The following RIMS2 variants were observed in gnomAD, a reference collection of about 807,000 sequenced individuals.
RIMS2 encodes the protein regulating synaptic membrane exocytosis 2.
In RIMS2, 59 loss-of-function variants were observed where a neutral mutation model predicts 174.4. The ratio of observed to expected loss-of-function variants is 0.34; its 90% CI spans 0.27 to 0.42. The LOEUF is 0.42. Among genes scored for constraint, RIMS2 ranks in the 10% least tolerant of loss-of-function variants. The probability of loss-of-function intolerance (pLI) is 1.00; values close to 1 mark genes in which losing one functional copy is unlikely to be tolerated. For synonymous variants in RIMS2, 606 were observed against 572.5 expected (o/e 1.06, Z -0.84); for missense variants, 1,620 against 1,666.3 (o/e 0.97, Z 0.48).
intron 1 of RIMS2, among the ~76,000 whole-genome samples, chr8:103,601,212 T>G (rs2094720326): frequency 6.6e-6 from 1 of 152,230 alleles, no homozygotes; most frequent in Non-Finnish European, 1.5e-5. Context: ...CTTTTTAACA[T>G]GATGTGATCC....
chr8:103,722,842 CT>C (rs1195793939), intron 2 of RIMS2, among the ~76,000 whole-genome samples: 1 of 152,156 alleles, frequency 6.6e-6, no homozygotes, highest in Non-Finnish European at 1.5e-5. Flanking sequence ...TGGACCAGGT[CT>C]TTTTTGTATG....
intron 19 of RIMS2, among the ~76,000 whole-genome samples, chr8:104,158,305 C>T (rs1469269541): frequency 6.6e-6 from 1 of 152,086 alleles, no homozygotes; most frequent in East Asian, 1.9e-4. Flanking sequence ...TATTGATGGA[C>T]CTTTGGGTTG....
intron 3 of RIMS2, among the ~76,000 whole-genome samples, chr8:103,802,090 A>G (rs895647546): frequency 7.9e-5 from 12 of 152,160 alleles, no homozygotes; most frequent in African/African-American, 2.4e-4. Flanking sequence ...TTGTTAGCCA[A>G]TGGTGGTGGT....
At chr8:103,982,108 A>G (rs1351818613) in intron 16 of RIMS2, among the ~76,000 whole-genome samples, 1 of 152,194 alleles carries the variant, frequency 6.6e-6, no homozygotes, top group Non-Finnish European at 1.5e-5. Flanking sequence ...AAGGATAATT[A>G]GTGGCTGCTG....
intron 3 of RIMS2, among the ~76,000 whole-genome samples, chr8:103,785,551 T>G (rs1312957142): frequency 6.6e-6 from 1 of 152,220 alleles, no homozygotes; most frequent in Non-Finnish European, 1.5e-5. Flanking sequence ...TCTTTGGTTC[T>G]GTTTATATGC....
At chr8:104,021,236 G>A (rs142746722) in intron 19 of RIMS2, among the ~76,000 whole-genome samples, 25 of 151,914 alleles carry the variant, frequency 1.6e-4, no homozygotes, top group Non-Finnish European at 2.9e-4. Flanking sequence ...TTCTTACTGC[G>A]AAGTATTAAT....
chr8:103,751,693 G>A (rs1178187839), intron 2 of RIMS2, among the ~76,000 whole-genome samples: 1 of 151,268 alleles, frequency 6.6e-6, no homozygotes, highest in Non-Finnish European at 1.5e-5. Flanking sequence ...TTCTCTGATG[G>A]CCAGTGATGG....
intron 16 of RIMS2, chr8:103,977,533 G>C (rs887327951): frequency 6.6e-6 from 1 of 152,214 alleles, no homozygotes; most frequent in Admixed American, 6.5e-5. Context: ...GAACAGATTT[G>C]TGGGGATTTT....
intron 1 of RIMS2, among the ~76,000 whole-genome samples, chr8:103,508,292 T>C (rs1824658663): frequency 6.6e-6 from 1 of 151,982 alleles, no homozygotes; most frequent in African/African-American, 2.4e-5. Context: ...TGCACTACAG[T>C]GTATCATGGA....
At chr8:103,599,675 T>C (rs1290327948) in intron 1 of RIMS2, among the ~76,000 whole-genome samples, 1 of 151,918 alleles carries the variant, frequency 6.6e-6, no homozygotes, top group African/African-American at 2.4e-5. Flanking sequence ...GGTCTTGAAC[T>C]TCTAGGCTCA....
At chr8:103,759,268 TAAGA>T (rs978335757) in intron 2 of RIMS2, among the ~76,000 whole-genome samples, 2 of 152,094 alleles carry the variant, frequency 1.3e-5, no homozygotes, top group African/African-American at 2.4e-5. Flanking sequence ...GGATCATGAT[TAAGA>T]AAGGCCAAGA....
chr8:103,746,868 G>A (rs950870963), intron 2 of RIMS2, among the ~76,000 whole-genome samples: 3 of 151,888 alleles, frequency 2.0e-5, no homozygotes, highest in African/African-American at 7.3e-5. Context: ...TTTTAGTAGA[G>A]ACAGGGTTTC....
At chr8:103,834,742 T>TTCTTTCTTTCTTTCTCTCTCTC (rs1406395709) in intron 3 of RIMS2, among the ~76,000 whole-genome samples, 4 of 109,524 alleles carry the variant, frequency 3.7e-5, no homozygotes, top group African/African-American at 1.7e-4. Flanking sequence ...CTTTCTTTCT[T>TTCTTTCTTTCTTTCTCTCTCTC]TCTCTCTCTT....
intron 3 of RIMS2, among the ~76,000 whole-genome samples, chr8:103,839,373 C>A (rs1157125520): frequency 6.6e-6 from 1 of 152,090 alleles, no homozygotes; most frequent in African/African-American, 2.4e-5. Flanking sequence ...TTGATTATGT[C>A]AGGCAGCTAA....
At chr8:103,602,090 A>G (rs1228729515) in intron 1 of RIMS2, among the ~76,000 whole-genome samples, 2 of 152,010 alleles carry the variant, frequency 1.3e-5, no homozygotes, top group African/African-American at 2.4e-5. Context: ...GGTTCAAGCA[A>G]TTCTCCTGCC....
chr8:103,781,810 T>C (rs946302596), intron 3 of RIMS2, among the ~76,000 whole-genome samples: 7 of 148,548 alleles, frequency 4.7e-5, no homozygotes, highest in Non-Finnish European at 8.9e-5. Context: ...TGCAATGTTG[T>C]GATCTCAGCT....
chr8:104,165,131 T>G (rs6468907), intron 19 of RIMS2, among the ~76,000 whole-genome samples: 65,950 of 152,022 alleles, frequency 0.43, 14,808 homozygotes, highest in East Asian at 0.63. Context: ...TGCACAATTT[T>G]AAAGCAATAC....
intron 2 of RIMS2, among the ~76,000 whole-genome samples, chr8:103,733,162 C>G (rs2097630759): frequency 6.6e-6 from 1 of 152,024 alleles, no homozygotes; most frequent in Non-Finnish European, 1.5e-5. Context: ...CCTGCCAGGA[C>G]TGGGTTCTCT....
intron 1 of RIMS2, among the ~76,000 whole-genome samples, chr8:103,685,786 T>TA (rs986568500): frequency 6.6e-6 from 1 of 152,172 alleles, no homozygotes; most frequent in African/African-American, 2.4e-5. Flanking sequence ...TCTTCTTTTT[T>TA]AAAAAATATT....
Sources: allele counts gnomAD v4.1 joint callset (sites outside exome capture counted in the v4.1 genomes callset), GRCh38; gene constraint gnomAD v4.1.1; transcripts MANE v1.5; gene names NCBI Gene and HGNC (gene_info 2026-07-23, HGNC 2026-07-21).